The following UBE2G2 variants were observed in gnomAD, a reference collection of about 807,000 sequenced individuals.
UBE2G2 encodes the protein ubiquitin-conjugating enzyme E2 G2.
A neutral mutation model predicts 23.0 loss-of-function variants in UBE2G2; 10 were observed. The ratio of observed to expected loss-of-function variants is 0.43; its 90% CI spans 0.27 to 0.74. The LOEUF (loss-of-function observed/expected upper bound fraction) is 0.74. Among genes scored for constraint, UBE2G2 ranks in the 30% least tolerant of loss-of-function variants. The pLI, the probability that UBE2G2 is intolerant of heterozygous loss-of-function variation, is 0.19. For missense variants in UBE2G2, 150 were observed against 218.3 expected, an observed-to-expected ratio of 0.69 and a Z score of 1.97; for synonymous variants, 86 against 81.3, an observed-to-expected ratio of 1.06 and a Z score of -0.31.
chr21:44,780,278 G>A (rs1555961161), intron 3 of UBE2G2, among the ~76,000 whole-genome samples: 1 of 152,210 alleles, frequency 6.6e-6, no homozygotes, highest in Non-Finnish European at 1.5e-5. Flanking sequence ...GGGCAGTGGT[G>A]TGCAGCAGCA....
At chr21:44,796,373 A>G (rs1555963770) in intron 1 of UBE2G2, among the ~76,000 whole-genome samples, 1 of 152,196 alleles carries the variant, frequency 6.6e-6, no homozygotes, top group Non-Finnish European at 1.5e-5. Flanking sequence ...CTACTCCCAA[A>G]TACAATAAAG....
At chr21:44,798,778 C>T (rs1239756027) in intron 1 of UBE2G2, among the ~76,000 whole-genome samples, 2 of 152,202 alleles carry the variant, frequency 1.3e-5, no homozygotes, top group African/African-American at 4.8e-5. Flanking sequence ...TTTCAAACGC[C>T]TGTTGTTGAT....
chr21:44,792,620 A>C (rs1485529160), intron 1 of UBE2G2, among the ~76,000 whole-genome samples: 1 of 152,206 alleles, frequency 6.6e-6, no homozygotes, highest in East Asian at 1.9e-4. Context: ...TCTTTCCTTT[A>C]TAATTACCCA....
Position 44,772,554 on chromosome 21 carries a change from C to T in UBE2G2, c.385+993G>A, listed in dbSNP as rs1334338137. On this transcript the variant is annotated intron_variant, in intron 5 of 5. Coordinates refer to ENST00000345496, the MANE Select transcript of UBE2G2 (RefSeq NM_003343.6). This position sits in a 1 kb window ranked among gnomAD's most constrained non-coding sequence, Gnocchi z 5.4. The stretch of plus-strand genomic sequence containing the variant: ...TATGCTGTCACCCTCCGTCCTACTC[C>T]ATCACCTACTGCCTCATCCAGAAAT... Among the ~76,000 whole-genome samples the T allele has an allele frequency of 6.6e-6, 1 of 152,120 alleles. No homozygotes were observed.
intron 5 of UBE2G2, among the ~76,000 whole-genome samples, chr21:44,773,147 T>C (rs1370509246): frequency 2.6e-5 from 4 of 152,174 alleles, no homozygotes; most frequent in Non-Finnish European, 5.9e-5. Flanking sequence ...GTGTCTGATC[T>C]TAGGGTGCAT....
chr21:44,780,990 A>C (rs2082951964), intron 3 of UBE2G2, among the ~76,000 whole-genome samples: 1 of 152,220 alleles, frequency 6.6e-6, no homozygotes, highest in Non-Finnish European at 1.5e-5. Context: ...GTGTTCCAGG[A>C]ACTGGTGCGC....
chr21:44,781,696 G>A (rs2082958227), intron 3 of UBE2G2, among the ~76,000 whole-genome samples: 1 of 152,158 alleles, frequency 6.6e-6, no homozygotes, highest in African/African-American at 2.4e-5. Context: ...CAGGGCCCTG[G>A]CTCTGGTTTA....
At chr21:44,777,496 A>G in intron 3 of UBE2G2, 79 bp from the exon 4 acceptor site, 2 of 1,442,582 alleles carry the variant, frequency 1.4e-6, no homozygotes, top group Non-Finnish European at 1.9e-6. Context: ...TGGGTTAAGA[A>G]CATTTTTACC....
intron 3 of UBE2G2, among the ~76,000 whole-genome samples, chr21:44,783,204 T>A (rs1555961524): frequency 6.6e-6 from 1 of 152,142 alleles, no homozygotes; most frequent in African/African-American, 2.4e-5. Context: ...GAAATCCAAG[T>A]CAAATCTGTA....
intron 1 of UBE2G2, among the ~76,000 whole-genome samples, chr21:44,795,209 G>C (rs2083076895): frequency 6.6e-6 from 1 of 152,084 alleles, no homozygotes; most frequent in Non-Finnish European, 1.5e-5. Context: ...GTTGCAGTGA[G>C]CTGAGATCAT....
intron 1 of UBE2G2, among the ~76,000 whole-genome samples, chr21:44,796,879 T>C (rs1450014920): frequency 6.6e-6 from 1 of 152,224 alleles, no homozygotes; most frequent in Non-Finnish European, 1.5e-5. Context: ...CCTTCTTCCA[T>C]CTTCACAGCC....
At chr21:44,785,044 G>A (rs1334674670) in intron 3 of UBE2G2, among the ~76,000 whole-genome samples, 3 of 152,194 alleles carry the variant, frequency 2.0e-5, no homozygotes, top group African/African-American at 4.8e-5. Flanking sequence ...CCCCGTCACC[G>A]TGGCTTAGTG....
rs546573694 is a variant in UBE2G2, at chr21:44,788,076, C to A, written c.63G>T (p.Pro21=). The A allele has an allele frequency of 1.6e-4, 252 of 1,610,338 alleles. 1 individual carries two copies. In the South Asian group the frequency reaches 2.0e-3, roughly 13 times the overall value. ...GTACCTTACCTGCTACAATTCCTTC[C>A]GGAGGATTCAGTGTTAATTCTATAA... is the stretch of plus-strand genomic sequence containing the variant. The part of the protein sequence containing the change: ...AEYKQLTLNP[P]EGIVAGPMNE... The change falls in exon 2 of 6, where the codon CCG becomes CCT. Residue 21 remains proline, a synonymous_variant. Transcript: ENST00000345496.
chr21:44,774,289 A>G (rs2146383666), intron 4 of UBE2G2: 1 of 154,730 alleles, frequency 6.5e-6, no homozygotes, highest in Middle Eastern at 3.4e-3. Flanking sequence ...AAATATCATC[A>G]TTAAAAAGAT....
At chr21:44,798,305 G>C (rs1226888245) in intron 1 of UBE2G2, among the ~76,000 whole-genome samples, 2 of 152,234 alleles carry the variant, frequency 1.3e-5, no homozygotes, top group African/African-American at 2.4e-5. Context: ...TGACTGATCA[G>C]GGTGGTAGTT....
chr21:44,799,380 A>G (rs2083117860), intron 1 of UBE2G2, among the ~76,000 whole-genome samples: 1 of 152,216 alleles, frequency 6.6e-6, no homozygotes, highest in South Asian at 2.1e-4. Context: ...GTATAAGGCT[A>G]TTTTACGTAC....
In UBE2G2 at chr21:44,776,277, T is replaced by A. The variant is rs181720270; in HGVS notation, c.244+1022A>T. 4.3e-3 allele frequency among the ~76,000 whole-genome samples: 662 copies of A among 152,230 alleles called. 3 individuals carry two copies. Among genetic ancestry groups the A allele is most frequent in the Non-Finnish European group, 7.8e-3 (532 of 68,022 alleles). The stretch of plus-strand genomic sequence containing the variant: ...TACAATTCACTTAAATGACCTTATT[T>A]TTTTCCTCCTTTTAAAATTAATATA... On this transcript the variant is annotated intron_variant, in intron 4 of 5. Coordinates refer to ENST00000345496, the MANE Select transcript of UBE2G2 (RefSeq NM_003343.6).
chr21:44,801,689 C>T lies in UBE2G2; in HGVS notation c.43+17G>A, dbSNP rs1422841798. 3.3e-6 allele frequency: 5 copies of T among 1,511,262 alleles called. No homozygotes were observed. The South Asian group carries it at 3.8e-5, about 11-fold the overall frequency. 93.6% of individuals were successfully genotyped at this position (1,511,262 alleles called of 1,614,324 possible). ...GGAACGCGGGACGCTGCTGACGGCC[C>T]GGGTCCCCAGACTCACGTTTGTACT... On this transcript the variant is annotated intron_variant, in intron 1 of 5. Coordinates refer to ENST00000345496, the MANE Select transcript of UBE2G2 (RefSeq NM_003343.6).
At chr21:44,773,479 C>CA (rs1416675776) in intron 5 of UBE2G2, 68 bp downstream of exon 5, 9 of 1,532,956 alleles carry the variant, frequency 5.9e-6, no homozygotes, top group Non-Finnish European at 7.9e-6. Context: ...GACAGGATGA[C>CA]GCAAGGCTGG....
Sources: allele counts gnomAD v4.1 joint callset (sites outside exome capture counted in the v4.1 genomes callset), GRCh38; gene constraint gnomAD v4.1.1; non-coding constraint Gnocchi (gnomAD v3.1); transcripts MANE v1.5; gene names NCBI Gene and HGNC (gene_info 2026-07-23, HGNC 2026-07-21).